The following PTRH1 variants were observed in gnomAD, a reference collection of about 807,000 sequenced individuals.
PTRH1 encodes peptidyl-tRNA hydrolase.
PTRH1 carries 13 observed loss-of-function variants against 15.7 expected under a neutral mutation model. That is an observed-to-expected ratio of 0.83 (90% confidence interval 0.54 to 1.31). PTRH1 has a LOEUF of 1.31. PTRH1 is among the 40% of genes most tolerant of loss of function. The pLI, the probability that PTRH1 is intolerant of heterozygous loss-of-function variation, is 0.00. For synonymous variants in PTRH1, 139 were observed against 136.7 expected, an observed-to-expected ratio of 1.02 and a Z score of -0.12; for missense variants, 319 against 296.2, an observed-to-expected ratio of 1.08 and a Z score of -0.56.
rs1842830874 is a variant in PTRH1, at chr9:127,713,918, A to G, written c.*182T>C. On this transcript the variant is annotated 3_prime_UTR_variant, in exon 5 of 5. Coordinates refer to ENST00000543175, the MANE Select transcript of PTRH1 (RefSeq NM_001002913.3). ...ACGTCCCAAGTAGGACACAGAGAGA[A>G]GAACCTACTCCAGAAATGGACTGGT... 1 of 1,612,124 alleles carries G rather than the reference A, an allele frequency of 6.2e-7. No homozygotes were observed. Among genetic ancestry groups the G allele is most frequent in the Non-Finnish European group, 8.5e-7 (1 of 1,178,310 alleles).
At chr9:127,709,606 A>G (rs776233369), downstream of PTRH1, 2 of 1,613,958 alleles carry the variant, frequency 1.2e-6, no homozygotes, top group Admixed American at 3.3e-5. The surrounding 1 kb of genome is among the most constrained non-coding windows in gnomAD (Gnocchi z 4.7). Flanking sequence ...AGAGATGGAG[A>G]AGGATGCCTT....
At chr9:127,712,300 T>C (rs1426218049), downstream of PTRH1, 4 of 1,614,068 alleles carry the variant, frequency 2.5e-6, no homozygotes, top group East Asian at 2.2e-5. Flanking sequence ...CGGGCCAGCC[T>C]GGAGGCGGCT....
downstream of PTRH1, chr9:127,711,420 A>G (rs1309446039): frequency 1.2e-6 from 2 of 1,614,178 alleles, no homozygotes; most frequent in African/African-American, 1.3e-5. Context: ...GGAAGACAGA[A>G]CAATCTGTGC....
At chr9:127,695,102 T>G in exon 2 of PTRH1, 1 of 702,560 alleles carries the variant, frequency 1.4e-6, no homozygotes, top group Non-Finnish European at 2.6e-6. Flanking sequence ...ATGGTGATGA[T>G]GATGATGCTG....
At chr9:127,714,941 G>GGCCCCCCCCCCCCCCCC in intron 2 of PTRH1, 34 bp downstream of exon 2, 7 of 446,382 alleles carry the variant, frequency 1.6e-5, no homozygotes, top group South Asian at 2.1e-5. Context: ...CACCCCCTTG[G>GGCCCCCCCCCCCCCCCC]CCCGCCCGCC....
At chr9:127,706,751 C>A (rs769195664) in intron 1 of PTRH1, among the ~76,000 whole-genome samples, 1 of 152,210 alleles carries the variant, frequency 6.6e-6, no homozygotes, top group African/African-American at 2.4e-5. Flanking sequence ...TTCCCCATGG[C>A]GCTTATTTCC....
chr9:127,707,865 AGC>A (rs1405160885), intron 1 of PTRH1, among the ~76,000 whole-genome samples: 2 of 152,184 alleles, frequency 1.3e-5, no homozygotes, highest in Non-Finnish European at 2.9e-5. Context: ...AGTAGGCGGC[AGC>A]TCTTCCCCAG....
rs541929555 is a variant in PTRH1, at chr9:127,715,315, G to A, written c.97-121C>T. On this transcript the variant is annotated intron_variant, in intron 1 of 4. Coordinates refer to ENST00000543175, the MANE Select transcript of PTRH1 (RefSeq NM_001002913.3). The surrounding 1 kb of genome is among the most constrained non-coding windows in gnomAD (Gnocchi z 5.8). ...AGAGCAACGCTGCAGTGGGGAAGGGGCGCGAAGAAGGGGCCCAGAAACCCG... is the reference window on the plus strand; with the variant it reads ...AGAGCAACGCTGCAGTGGGGAAGGGACGCGAAGAAGGGGCCCAGAAACCCG... 2.4e-4 allele frequency: 311 copies of A among 1,311,848 alleles called. 2 individuals carry two copies. The South Asian group carries it at 2.9e-3, about 12-fold the overall frequency. 81.3% of individuals were successfully genotyped at this position (1,311,848 alleles called of 1,614,324 possible). A position where few individuals can be genotyped will look rare whatever the true frequency, so the allele number is the denominator to read the frequency against.
At chr9:127,712,098 G>C, downstream of PTRH1, 1 of 1,525,680 alleles carries the variant, frequency 6.6e-7, no homozygotes, top group Non-Finnish European at 8.8e-7. Flanking sequence ...CGGGATGGGG[G>C]CCCCTGTGGG....
intron 1 of PTRH1, among the ~76,000 whole-genome samples, chr9:127,697,443 T>TGATC (rs1842570294): frequency 6.6e-6 from 1 of 152,114 alleles, no homozygotes; most frequent in South Asian, 2.1e-4. Context: ...GCGGATCGCC[T>TGATC]GAGGTCAGGA....
chr9:127,705,684 T>G lies in PTRH1; in HGVS notation c.205+9751A>C, dbSNP rs1262769906. Among the ~76,000 whole-genome samples the G allele has an allele frequency of 1.3e-5, 2 of 152,176 alleles. No individual in the cohort carries two copies. Among genetic ancestry groups the G allele is most frequent in the African/African-American group, 4.8e-5 (2 of 41,444 alleles). On this transcript the variant is annotated intron_variant, in intron 1 of 2. Transcript: ENST00000335223. The surrounding 1 kb of genome is among the most constrained non-coding windows in gnomAD (Gnocchi z 4.7). ...TGTGGGAATTTTTGCCTGCCTAGGC[T>G]CCTGTGGGAGCAGCTGTTCAGGCGG...
At chr9:127,712,231 A>ATTT (rs754425323), downstream of PTRH1, 4 of 1,613,970 alleles carry the variant, frequency 2.5e-6, no homozygotes, top group South Asian at 4.4e-5. Flanking sequence ...CTGCAGCTGG[A>ATTT]GCAGCAGCAG....
chr9:127,713,181 C>T (rs767497515), downstream of PTRH1: 44 of 1,566,830 alleles, frequency 2.8e-5, no homozygotes, highest in South Asian at 5.1e-4. Flanking sequence ...CGTGTGGGGA[C>T]CTTCCGGGCA....
At chr9:127,710,708 G>C (rs77175267), downstream of PTRH1, 11 of 1,573,760 alleles carry the variant, frequency 7.0e-6, no homozygotes, top group East Asian at 2.6e-4. Flanking sequence ...TGAGTTCAGG[G>C]ACTATGCATA....
chr9:127,696,908 A>G (rs1034762659), intron 1 of PTRH1, among the ~76,000 whole-genome samples: 1 of 152,166 alleles, frequency 6.6e-6, no homozygotes, highest in Non-Finnish European at 1.5e-5. Flanking sequence ...GTGGGATTCC[A>G]GTGTGAATAC....
At chr9:127,709,607 A>T, downstream of PTRH1, 1 of 1,613,998 alleles carries the variant, frequency 6.2e-7, no homozygotes, top group Non-Finnish European at 8.5e-7. The surrounding 1 kb of genome is among the most constrained non-coding windows in gnomAD (Gnocchi z 4.7). Context: ...GAGATGGAGA[A>T]GGATGCCTTC....
chr9:127,699,789 C>G (rs902841330), intron 1 of PTRH1, among the ~76,000 whole-genome samples: 1 of 152,010 alleles, frequency 6.6e-6, no homozygotes, highest in Non-Finnish European at 1.5e-5. Flanking sequence ...AGAACAGGCA[C>G]TTTTAATTCT....
chr9:127,704,078 C>G (rs1459509512), intron 1 of PTRH1, among the ~76,000 whole-genome samples: 2 of 152,168 alleles, frequency 1.3e-5, no homozygotes, highest in East Asian at 3.9e-4. Context: ...GCATAACACC[C>G]CAGGTAAAAC....
chr9:127,715,071 C>G lies in PTRH1; in HGVS notation c.220G>C (p.Ala74Pro), dbSNP rs760914260. Residue 74 changes from alanine (A) to proline (P), a missense_variant, in exon 2 of 5, where the codon GCC (alanine) becomes CCC (proline). Transcript: ENST00000543175. The surrounding 1 kb of genome is among the most constrained non-coding windows in gnomAD (Gnocchi z 5.8). ...CCCAGCGGGGCCAGGGCGAGGTCGG[C>G]GGCACAGTGCCGGTCGCGCGTCCAA... ...ESWTRDRHCAADLALAPLGDA... is the reference protein window; with the variant it reads ...ESWTRDRHCAPDLALAPLGDA... The G allele has an allele frequency of 3.8e-5, 58 of 1,528,040 alleles. No homozygotes were observed. In the Admixed American group the frequency reaches 1.1e-3, roughly 30 times the overall value. 94.7% of individuals were successfully genotyped at this position (1,528,040 alleles called of 1,614,324 possible). A position where few individuals can be genotyped will look rare whatever the true frequency, so the allele number is the denominator to read the frequency against.
Sources: allele counts gnomAD v4.1 joint callset (sites outside exome capture counted in the v4.1 genomes callset), GRCh38; gene constraint gnomAD v4.1.1; non-coding constraint Gnocchi (gnomAD v3.1); transcripts MANE v1.5; gene names NCBI Gene and HGNC (gene_info 2026-07-23, HGNC 2026-07-21).